The following LRRC4C variants were observed in gnomAD, a reference collection of about 807,000 sequenced individuals.
LRRC4C encodes the protein leucine-rich repeat-containing protein 4C.
In LRRC4C, 5 loss-of-function variants were observed where a neutral mutation model predicts 33.6. The observed-to-expected ratio is 0.15, with a 90% confidence interval of 0.08 to 0.31. The LOEUF is 0.31. Among genes scored for constraint, LRRC4C ranks in the 10% least tolerant of loss-of-function variants. The probability of loss-of-function intolerance (pLI) is 1.00; values close to 1 mark genes in which losing one functional copy is unlikely to be tolerated. For synonymous variants in LRRC4C, 329 were observed against 302.0 expected (o/e 1.09, Z -0.93); for missense variants, 560 against 796.7 (o/e 0.70, Z 3.58).
chr11:40,665,378 ATATATATATT>A (rs1300799473), intron 2 of LRRC4C, among the ~76,000 whole-genome samples: 2 of 107,932 alleles, frequency 1.9e-5, no homozygotes, highest in African/African-American at 3.9e-5. Context: ...ATATATATAT[ATATATATATT>A]ATTAGGGGTA....
chr11:40,952,972 T>C (rs963545271), intron 1 of LRRC4C, among the ~76,000 whole-genome samples: 1 of 151,686 alleles, frequency 6.6e-6, no homozygotes, highest in Non-Finnish European at 1.5e-5. Flanking sequence ...TTGGCCCCTG[T>C]ATGGTTGTAA....
At chr11:40,128,790 T>C (rs371260384) in intron 6 of LRRC4C, among the ~76,000 whole-genome samples, 19 of 152,172 alleles carry the variant, frequency 1.2e-4, no homozygotes, top group African/African-American at 2.4e-4. Context: ...GTGTATCCTT[T>C]GATTTTTGCG....
rs566535039 is a variant in LRRC4C at position 40,205,767 on chromosome 11, C to G, written c.-96+35752G>C. Among the ~76,000 whole-genome samples, 12 of 152,190 alleles carry G rather than the reference C, an allele frequency of 7.9e-5. No individual in the cohort carries two copies. In the South Asian group the frequency reaches 2.5e-3, roughly 32 times the overall value. On this transcript the variant is annotated intron_variant, in intron 5 of 6. Coordinates refer to ENST00000528697, the MANE Select transcript of LRRC4C (RefSeq NM_001258419.2). ...TCAGGTTATTTTATTATTTGACCAA[C>G]TAGGTTCTTCATCAAAGAAAATATC...
chr11:41,337,527 A>C (rs2137432483), intron 1 of LRRC4C, among the ~76,000 whole-genome samples: 1 of 152,330 alleles, frequency 6.6e-6, no homozygotes, highest in East Asian at 1.9e-4. Context: ...ACACCTTATA[A>C]AAATTAACTC....
intron 2 of LRRC4C, among the ~76,000 whole-genome samples, chr11:40,911,442 G>A (rs1956684108): frequency 6.6e-6 from 1 of 152,158 alleles, no homozygotes; most frequent in South Asian, 2.1e-4. Flanking sequence ...ATGGGGTCTG[G>A]AGTGGACCTC....
At chr11:41,250,564 T>C (rs968917573) in intron 1 of LRRC4C, among the ~76,000 whole-genome samples, 13 of 152,184 alleles carry the variant, frequency 8.5e-5, no homozygotes, top group African/African-American at 2.9e-4. Context: ...CATTCTGAGA[T>C]AGGGGGACAG....
intron 4 of LRRC4C, among the ~76,000 whole-genome samples, chr11:40,297,354 G>C (rs994834151): frequency 2.0e-5 from 3 of 152,134 alleles, no homozygotes; most frequent in African/African-American, 7.2e-5. Context: ...AAGCTTGCCT[G>C]TATAGTCACA....
intron 5 of LRRC4C, among the ~76,000 whole-genome samples, chr11:40,150,772 C>A (rs11035714): frequency 0.27 from 41,504 of 151,962 alleles, 6,205 homozygotes; most frequent in Non-Finnish European, 0.34. Context: ...CCATTCTGAC[C>A]ATGTATGAGA....
intron 5 of LRRC4C, among the ~76,000 whole-genome samples, chr11:40,233,144 G>A (rs1011868472): frequency 1.3e-5 from 2 of 151,874 alleles, no homozygotes; most frequent in African/African-American, 2.4e-5. Context: ...CTGTTGCATC[G>A]ACTTGTAATG....
intron 1 of LRRC4C, among the ~76,000 whole-genome samples, chr11:41,344,145 C>A (rs2137499920): frequency 6.6e-6 from 1 of 152,168 alleles, no homozygotes; most frequent in East Asian, 1.9e-4. Context: ...AGAGAACATC[C>A]CCATTCCCCA....
At chr11:41,109,334 C>T (rs1486527868) in intron 1 of LRRC4C, among the ~76,000 whole-genome samples, 1 of 151,938 alleles carries the variant, frequency 6.6e-6, no homozygotes, top group Non-Finnish European at 1.5e-5. Flanking sequence ...TCTTTTAAAG[C>T]AACCCTATAA....
intron 3 of LRRC4C, among the ~76,000 whole-genome samples, chr11:40,525,082 C>T (rs141864841): frequency 0.011 from 1,731 of 152,012 alleles, 21 homozygotes; most frequent in African/African-American, 0.036. Context: ...AAAACAAGGG[C>T]TCATGGAAAG....
chr11:40,276,894 G>A lies in LRRC4C; in HGVS notation c.-175-35296C>T, dbSNP rs141932264. ...TTGCCTCCCATCTGGACCAATGCCC[G>A]GAGAAGCTGAAAATGGCAATTTTGT... On this transcript the variant is annotated intron_variant, in intron 4 of 6. Coordinates refer to ENST00000528697, the MANE Select transcript of LRRC4C (RefSeq NM_001258419.2). Among the ~76,000 whole-genome samples, 551 of 152,138 alleles carry A rather than the reference G, an allele frequency of 3.6e-3. 6 individuals are homozygous for A. Among genetic ancestry groups the A allele is most frequent in the African/African-American group, 0.012 (488 of 41,520 alleles).
chr11:41,188,321 T>C lies in LRRC4C; in HGVS notation c.-495-254598A>G, dbSNP rs372949043. ...TTTTTAGTTGCTTTTCTATGTCTCCTCTAAGTAAGCAACTAAAAAAATAAT... is the reference window on the plus strand; with the variant it reads ...TTTTTAGTTGCTTTTCTATGTCTCCCCTAAGTAAGCAACTAAAAAAATAAT... On this transcript the variant is annotated intron_variant, in intron 1 of 6. Transcript: ENST00000528697. Among the ~76,000 whole-genome samples the C allele has an allele frequency of 1.3e-3, 191 of 152,238 alleles. 1 individual carries two copies. Among genetic ancestry groups the C allele is most frequent in the African/African-American group, 4.4e-3 (184 of 41,538 alleles).
chr11:41,451,878 A>G (rs1956036689), intron 1 of LRRC4C, among the ~76,000 whole-genome samples: 2 of 152,086 alleles, frequency 1.3e-5, no homozygotes, highest in Non-Finnish European at 2.9e-5. Flanking sequence ...AAGGGAGAGT[A>G]GAGTTTTTTC....
intron 1 of LRRC4C, among the ~76,000 whole-genome samples, chr11:40,957,206 CT>C (rs1003377075): frequency 2.0e-5 from 3 of 151,618 alleles, no homozygotes; most frequent in African/African-American, 7.3e-5. Flanking sequence ...CATTCTTTTT[CT>C]AAAAGGTTTT....
intron 1 of LRRC4C, among the ~76,000 whole-genome samples, chr11:41,080,818 A>C (rs936029118): frequency 6.6e-6 from 1 of 152,210 alleles, no homozygotes; most frequent in African/African-American, 2.4e-5. Flanking sequence ...CTTGATTGTC[A>C]TTCTTGCCTG....
intron 1 of LRRC4C, among the ~76,000 whole-genome samples, chr11:41,197,487 G>T (rs756545843): frequency 6.6e-5 from 10 of 151,972 alleles, no homozygotes; most frequent in Non-Finnish European, 1.0e-4. Flanking sequence ...TAGAGGATTT[G>T]CAGGTGTGAA....
At chr11:41,253,559 AAT>A (rs1948709014) in intron 1 of LRRC4C, among the ~76,000 whole-genome samples, 1 of 152,098 alleles carries the variant, frequency 6.6e-6, no homozygotes, top group African/African-American at 2.4e-5. Flanking sequence ...TTGACCAGGG[AAT>A]AAAGAGAACT....
Sources: allele counts gnomAD v4.1 joint callset (sites outside exome capture counted in the v4.1 genomes callset), GRCh38; gene constraint gnomAD v4.1.1; transcripts MANE v1.5; gene names NCBI Gene and HGNC (gene_info 2026-07-23, HGNC 2026-07-21).